Variants in TRHDE observed in about 807,000 individuals in gnomAD.
TRHDE encodes the protein thyrotropin-releasing hormone-degrading ectoenzyme.
In TRHDE, 72 loss-of-function variants were observed where a neutral mutation model predicts 125.7. The ratio of observed to expected loss-of-function variants is 0.57; its 90% CI spans 0.47 to 0.70. The LOEUF (loss-of-function observed/expected upper bound fraction) is 0.70. Ranked by LOEUF, TRHDE falls within the 30% of genes least tolerant of loss-of-function variation. The probability of loss-of-function intolerance (pLI) is 0.00; values close to 1 mark genes in which losing one functional copy is unlikely to be tolerated. For missense variants in TRHDE, 1,110 were observed against 1,327.1 expected (o/e 0.84, Z 2.54); for synonymous variants, 509 against 509.1 (o/e 1.00, Z 0.00).
intron 2 of TRHDE, among the ~76,000 whole-genome samples, chr12:72,251,422 C>CT (rs34337273): frequency 6.0e-4 from 78 of 130,854 alleles, no homozygotes; most frequent in Admixed American, 1.6e-3. Context: ...GGAATTGGGG[C>CT]TTTTTTTTTT....
intron 2 of TRHDE, among the ~76,000 whole-genome samples, chr12:72,151,730 G>T (rs1367625184): frequency 6.6e-6 from 1 of 152,048 alleles, no homozygotes; most frequent in Non-Finnish European, 1.5e-5. Flanking sequence ...ATTTCTGAGG[G>T]CTCTGTTCTG....
chr12:72,391,140 A>T (rs1458120946), intron 3 of TRHDE, among the ~76,000 whole-genome samples: 2 of 152,108 alleles, frequency 1.3e-5, no homozygotes. Flanking sequence ...CCCTCATGAC[A>T]CTGGAGGGGT....
chr12:72,491,583 A>G (rs1877688118), intron 5 of TRHDE, among the ~76,000 whole-genome samples: 1 of 151,866 alleles, frequency 6.6e-6, no homozygotes, highest in Admixed American at 6.6e-5. Context: ...TGGATGTTAA[A>G]AACAAAACAT....
Position 72,386,835 on chromosome 12 carries a change from T to C in TRHDE, c.1315+8714T>C, listed in dbSNP as rs76398367. On this transcript the variant is annotated intron_variant, in intron 3 of 18. Coordinates refer to ENST00000261180, the MANE Select transcript of TRHDE (RefSeq NM_013381.3). ...GACACAATTGTTCTCTCCAACTCCT[T>C]GAAACACAGTTTTTCATTTGTCTTT... 4.6e-3 allele frequency among the ~76,000 whole-genome samples: 697 copies of C among 152,316 alleles called. 6 individuals carry two copies. The highest frequency in any genetic ancestry group is 0.015 in the African/African-American group (644 of 41,572).
intron 2 of TRHDE, among the ~76,000 whole-genome samples, chr12:72,354,661 A>G (rs1028667151): frequency 1.3e-5 from 2 of 149,124 alleles, no homozygotes; most frequent in African/African-American, 4.9e-5. Flanking sequence ...TGTAAAATAA[A>G]TTATTTTAAA....
At chr12:72,182,563 T>C (rs1022911084) in intron 2 of TRHDE, among the ~76,000 whole-genome samples, 1 of 152,164 alleles carries the variant, frequency 6.6e-6, no homozygotes, top group Non-Finnish European at 1.5e-5. Flanking sequence ...AAAGAACAGA[T>C]ATAATTTCAC....
At position 72,310,405 on chromosome 12, in the gene TRHDE, A is replaced by T. The variant is rs79369144; in HGVS notation, c.1188+23451A>T. On this transcript the variant is annotated intron_variant, in intron 2 of 18. Coordinates refer to ENST00000261180, the MANE Select transcript of TRHDE (RefSeq NM_013381.3). ...AACCATTGCTGATTGCTTTTCACTT[A>T]CTTAAAAATCTTGACTGCGTTTATT... Among the ~76,000 whole-genome samples the T allele has an allele frequency of 1.1e-3, 163 of 152,362 alleles. 3 individuals are homozygous for T. In the East Asian group the frequency reaches 0.029, roughly 27 times the overall value.
At chr12:72,487,982 C>A (rs2135922094) in intron 5 of TRHDE, among the ~76,000 whole-genome samples, 1 of 151,780 alleles carries the variant, frequency 6.6e-6, no homozygotes, top group East Asian at 1.9e-4. Flanking sequence ...ATTTAAGCCT[C>A]ATGACAACCA....
intron 2 of TRHDE, among the ~76,000 whole-genome samples, chr12:72,212,507 T>C (rs1877803803): frequency 6.6e-6 from 1 of 152,088 alleles, no homozygotes; most frequent in Admixed American, 6.6e-5. Context: ...AGTATCACAA[T>C]TCAATGACAA....
At chr12:72,206,650 G>A (rs1280979185) in intron 2 of TRHDE, among the ~76,000 whole-genome samples, 3 of 151,852 alleles carry the variant, frequency 2.0e-5, no homozygotes, top group African/African-American at 7.3e-5. Flanking sequence ...AGAAAAATAT[G>A]GACTGTGTTT....
At chr12:72,600,109 T>C (rs1311189314) in intron 12 of TRHDE, among the ~76,000 whole-genome samples, 1 of 152,072 alleles carries the variant, frequency 6.6e-6, no homozygotes, top group Non-Finnish European at 1.5e-5. Context: ...TGTGTATCTG[T>C]TTTTGTACCA....
intron 2 of TRHDE, among the ~76,000 whole-genome samples, chr12:72,241,266 A>G (rs1042704436): frequency 9.2e-5 from 14 of 152,142 alleles, no homozygotes; most frequent in African/African-American, 2.7e-4. Context: ...CAGTTCTGTC[A>G]CCTCAAAACA....
intron 2 of TRHDE, among the ~76,000 whole-genome samples, chr12:72,136,969 G>A (rs572985930): frequency 1.3e-5 from 2 of 152,314 alleles, no homozygotes; most frequent in African/African-American, 4.8e-5. Context: ...TCTGCAACAG[G>A]TTTCTGGACC....
At chr12:72,225,180 T>G (rs1878100668) in intron 2 of TRHDE, among the ~76,000 whole-genome samples, 1 of 152,186 alleles carries the variant, frequency 6.6e-6, no homozygotes, top group African/African-American at 2.4e-5. Context: ...TCTAAAGTTT[T>G]TTTCTAGTGA....
chr12:72,349,588 A>T (rs539561887), intron 2 of TRHDE, among the ~76,000 whole-genome samples: 1 of 151,926 alleles, frequency 6.6e-6, no homozygotes, highest in Admixed American at 6.6e-5. Flanking sequence ...ACAAATACAC[A>T]TCCTTACAGT....
At chr12:72,531,778 T>C (rs1018410966) in intron 6 of TRHDE, among the ~76,000 whole-genome samples, 12 of 152,108 alleles carry the variant, frequency 7.9e-5, no homozygotes, top group African/African-American at 2.9e-4. Flanking sequence ...ATCACAGATA[T>C]CAGTATTGGT....
At chr12:72,453,039 TACAG>T (rs1875659439) in intron 3 of TRHDE, among the ~76,000 whole-genome samples, 2 of 152,176 alleles carry the variant, frequency 1.3e-5, no homozygotes, top group African/African-American at 4.8e-5. Context: ...GCTATAGAGA[TACAG>T]ACAAATATGG....
At chr12:72,483,168 G>T (rs1181835049) in intron 5 of TRHDE, among the ~76,000 whole-genome samples, 4 of 151,702 alleles carry the variant, frequency 2.6e-5, no homozygotes, top group South Asian at 2.1e-4. Context: ...TCAGGGATGG[G>T]AGACACTCAA....
chr12:72,239,568 G>C (rs1025958666), intron 2 of TRHDE, among the ~76,000 whole-genome samples: 1 of 152,176 alleles, frequency 6.6e-6, no homozygotes, highest in East Asian at 1.9e-4. Flanking sequence ...GGCATTTGCT[G>C]ATGGATTTCA....
Sources: gnomAD v4.1 joint callset for allele counts (sites outside exome capture counted in the v4.1 genomes callset) on GRCh38, gnomAD v4.1.1 for gene constraint, MANE v1.5 for transcripts, NCBI Gene and HGNC (gene_info 2026-07-23, HGNC 2026-07-21) for gene names.